The following KCNT2 variants were observed in gnomAD, a reference collection of about 807,000 sequenced individuals.
KCNT2 encodes the protein potassium sodium-activated channel subfamily T member 2.
Under a neutral mutation model 153.8 loss-of-function variants are expected in KCNT2, and 67 were observed. The ratio of observed to expected loss-of-function variants is 0.44; its 90% CI spans 0.36 to 0.53. The LOEUF is 0.53. Among genes scored for constraint, KCNT2 ranks in the 20% least tolerant of loss-of-function variants. KCNT2 has a pLI of 0.00. For missense variants in KCNT2, 975 were observed against 1,354.8 expected, an observed-to-expected ratio of 0.72 and a Z score of 4.40; for synonymous variants, 500 against 458.8, an observed-to-expected ratio of 1.09 and a Z score of -1.15.
At chr1:196,357,711 T>G (rs1667287231) in intron 14 of KCNT2, among the ~76,000 whole-genome samples, 1 of 151,856 alleles carries the variant, frequency 6.6e-6, no homozygotes, top group Non-Finnish European at 1.5e-5. Context: ...CTGGGGGCTT[T>G]TAGAGGCCAA....
intron 1 of KCNT2, among the ~76,000 whole-genome samples, chr1:196,571,986 A>G (rs187829413): frequency 1.3e-5 from 2 of 152,222 alleles, no homozygotes; most frequent in African/African-American, 4.8e-5. Context: ...CAGGACCTGA[A>G]AGGCAACCTC....
At chr1:196,310,261 A>G (rs999653319) in intron 21 of KCNT2, among the ~76,000 whole-genome samples, 2 of 151,934 alleles carry the variant, frequency 1.3e-5, no homozygotes, top group Non-Finnish European at 2.9e-5. Flanking sequence ...GTATACATTA[A>G]TAGGAGGTAT....
chr1:196,606,383 TA>T (rs1172372009), intron 1 of KCNT2, among the ~76,000 whole-genome samples: 18 of 152,190 alleles, frequency 1.2e-4, no homozygotes, highest in African/African-American at 3.9e-4. Context: ...GCCACAAAAG[TA>T]GCCAAATCCT....
intron 9 of KCNT2, among the ~76,000 whole-genome samples, chr1:196,429,219 C>T (rs975783286): frequency 2.0e-5 from 3 of 151,714 alleles, no homozygotes; most frequent in African/African-American, 7.3e-5. Context: ...TTTTGAAGAA[C>T]CAAGAGAAAT....
At chr1:196,402,628 GAAAC>G (rs1671511008) in intron 12 of KCNT2, among the ~76,000 whole-genome samples, 1 of 151,394 alleles carries the variant, frequency 6.6e-6, no homozygotes, top group African/African-American at 2.4e-5. Flanking sequence ...AAAATTAGAG[GAAAC>G]AAACAAAACA....
chr1:196,437,298 A>G (rs1405589579), intron 8 of KCNT2, among the ~76,000 whole-genome samples: 4 of 132,608 alleles, frequency 3.0e-5, no homozygotes, highest in South Asian at 4.4e-4. Context: ...TATAATATAT[A>G]TAAATATATT....
At chr1:196,364,528 G>A (rs1022132987) in intron 14 of KCNT2, among the ~76,000 whole-genome samples, 1 of 152,032 alleles carries the variant, frequency 6.6e-6, no homozygotes, top group African/African-American at 2.4e-5. Context: ...AAATTATTCA[G>A]CAATCTCTCT....
At chr1:196,447,412 C>A (rs149450978) in intron 8 of KCNT2, among the ~76,000 whole-genome samples, 2 of 151,554 alleles carry the variant, frequency 1.3e-5, no homozygotes, top group Non-Finnish European at 3.0e-5. Context: ...AAAACCCACA[C>A]GTCAGGAATC....
At chr1:196,488,635 T>C (rs940234416) in intron 3 of KCNT2, among the ~76,000 whole-genome samples, 1 of 152,018 alleles carries the variant, frequency 6.6e-6, no homozygotes, top group Non-Finnish European at 1.5e-5. Flanking sequence ...ATAATGCTGA[T>C]ATGATTGTAG....
intron 1 of KCNT2, among the ~76,000 whole-genome samples, chr1:196,544,889 T>C (rs1457973739): frequency 1.3e-5 from 2 of 152,142 alleles, no homozygotes; most frequent in Non-Finnish European, 1.5e-5. Flanking sequence ...AATGTGATTT[T>C]ACTCAGGATG....
intron 20 of KCNT2, among the ~76,000 whole-genome samples, chr1:196,318,484 G>T (rs1156318877): frequency 6.6e-6 from 1 of 151,702 alleles, no homozygotes; most frequent in Non-Finnish European, 1.5e-5. Context: ...ATCAGAAAAG[G>T]TATATGGGAC....
At chr1:196,330,543 G>C (rs749733231) in intron 18 of KCNT2, among the ~76,000 whole-genome samples, 25 of 151,868 alleles carry the variant, frequency 1.6e-4, no homozygotes, top group Non-Finnish European at 5.9e-5. Context: ...CCTTTTATCA[G>C]TTTTGTTATT....
At chr1:196,569,105 A>G (rs1400197548) in intron 1 of KCNT2, among the ~76,000 whole-genome samples, 2 of 151,920 alleles carry the variant, frequency 1.3e-5, no homozygotes, top group Non-Finnish European at 2.9e-5. Context: ...ACTTTCTCCT[A>G]CTTTTTCTAA....
intron 1 of KCNT2, among the ~76,000 whole-genome samples, chr1:196,502,894 A>T (rs1383361355): frequency 6.6e-6 from 1 of 152,092 alleles, no homozygotes; most frequent in African/African-American, 2.4e-5. Flanking sequence ...ATATAGAATA[A>T]TTATAAAGGT....
At chr1:196,347,645 C>G (rs1442401264) in intron 14 of KCNT2, among the ~76,000 whole-genome samples, 1 of 152,168 alleles carries the variant, frequency 6.6e-6, no homozygotes, top group Non-Finnish European at 1.5e-5. Context: ...TAAAGTTAAA[C>G]TTTGAAAAAT....
At position 196,388,180 on chromosome 1, in the gene KCNT2, C is replaced by T. The variant is rs562093068; in HGVS notation, c.1294+10383G>A. On this transcript the variant is annotated intron_variant, in intron 13 of 27. Coordinates refer to ENST00000294725, the MANE Select transcript of KCNT2 (RefSeq NM_198503.5). ...AACTATCTGTTGAAGATTATTGCCT[C>T]TCCAAGGTAATTAACTTGGCATCGT... Among the ~76,000 whole-genome samples, 7 of 151,856 alleles carry T rather than the reference C, an allele frequency of 4.6e-5. No homozygotes were observed. In the South Asian group the frequency reaches 1.5e-3, roughly 32 times the overall value.
chr1:196,565,750 A>G (rs539499880), intron 1 of KCNT2, among the ~76,000 whole-genome samples: 1 of 151,910 alleles, frequency 6.6e-6, no homozygotes, highest in Non-Finnish European at 1.5e-5. Flanking sequence ...CTCATTTATT[A>G]TAAGTGGAAT....
intron 26 of KCNT2, among the ~76,000 whole-genome samples, chr1:196,252,471 A>C (rs1656062233): frequency 6.6e-6 from 1 of 151,762 alleles, no homozygotes; most frequent in South Asian, 2.1e-4. Context: ...CTCTACTCTG[A>C]AATAATATAA....
intron 1 of KCNT2, among the ~76,000 whole-genome samples, chr1:196,526,613 C>A (rs1654248027): frequency 6.6e-6 from 1 of 151,992 alleles, no homozygotes; most frequent in South Asian, 2.1e-4. Context: ...CTGCCACACC[C>A]AGCTAATTTT....
Sources: allele counts gnomAD v4.1 joint callset (sites outside exome capture counted in the v4.1 genomes callset), GRCh38; gene constraint gnomAD v4.1.1; transcripts MANE v1.5; gene names NCBI Gene and HGNC (gene_info 2026-07-23, HGNC 2026-07-21).